The following RBM28 variants were observed in gnomAD, a reference collection of about 807,000 sequenced individuals.
The protein encoded by RBM28 is RNA binding motif protein 28.
RBM28 carries 78 observed loss-of-function variants against 98.3 expected under a neutral mutation model. The observed-to-expected ratio is 0.79, with a 90% CI of 0.66 to 0.96. The LOEUF (loss-of-function observed/expected upper bound fraction) is 0.96. Ranked by LOEUF, RBM28 falls within the 40% of genes least tolerant of loss-of-function variation. The pLI, the probability that RBM28 is intolerant of heterozygous loss-of-function variation, is 0.00. For synonymous variants in RBM28, 306 were observed against 330.9 expected (o/e 0.92, Z 0.82); for missense variants, 838 against 913.0 (o/e 0.92, Z 1.06).
intron 10 of RBM28, among the ~76,000 whole-genome samples, chr7:128,329,202 C>G (rs1460151673): frequency 6.6e-6 from 1 of 152,162 alleles, no homozygotes; most frequent in Non-Finnish European, 1.5e-5. Flanking sequence ...CAGGTTCAAG[C>G]AATTCTCCTG....
Position 128,305,549 on chromosome 7 carries a change from C to T in RBM28, c.*5248G>A, listed in dbSNP as rs1795849874. 2 of 152,208 alleles carry T rather than the reference C, an allele frequency of 1.3e-5. No homozygotes were observed. The highest frequency in any genetic ancestry group is 1.3e-4 in the Admixed American group (2 of 15,270). The allele number at this position is 152,208 out of a possible 1,614,324, so 9.4% of individuals were successfully genotyped here. On this transcript the variant is annotated 3_prime_UTR_variant, in exon 19 of 19. Transcript: ENST00000223073. Reference sequence around the variant, plus strand: ...TGTTGCCCAGGCTAGTCCTGAACTCCTGGGCTCAAGTGATTCTCCCACTTT... The same window carrying T: ...TGTTGCCCAGGCTAGTCCTGAACTCTTGGGCTCAAGTGATTCTCCCACTTT...
intron 18 of RBM28, 38 bp downstream of exon 18, chr7:128,313,137 C>T: frequency 6.3e-7 from 1 of 1,579,194 alleles, no homozygotes; most frequent in Non-Finnish European, 8.7e-7. Context: ...CCTGGCAGAA[C>T]CATGCCATAC....
intron 16 of RBM28, among the ~76,000 whole-genome samples, chr7:128,317,156 C>T (rs112231535): frequency 2.0e-5 from 3 of 152,226 alleles, no homozygotes; most frequent in African/African-American, 4.8e-5. Context: ...AAGTTCAGAG[C>T]GGTAATAACT....
At chr7:128,331,575 G>A (rs1796481719) in intron 9 of RBM28, among the ~76,000 whole-genome samples, 1 of 152,072 alleles carries the variant, frequency 6.6e-6, no homozygotes, top group Non-Finnish European at 1.5e-5. Flanking sequence ...TTTTTCCTCT[G>A]TGTTGCTATT....
Position 128,307,376 on chromosome 7 carries a change from C to CA in RBM28, c.*3420dup, listed in dbSNP as rs1396701779. ...TGACACATGTGATCCTCTGTCTCCTCAGACAACTGAAGGATGATGAGAAGG... is the reference window on the plus strand; with the variant it reads ...TGACACATGTGATCCTCTGTCTCCTCAAGACAACTGAAGGATGATGAGAAGG... On this transcript the variant is annotated 3_prime_UTR_variant, in exon 19 of 19. Transcript: ENST00000223073. 6.6e-6 allele frequency: 1 copy of CA among 152,344 alleles called. No individual in the cohort carries two copies. The highest frequency in any genetic ancestry group is 1.5e-5 in the Non-Finnish European group (1 of 68,040). The allele number at this position is 152,344 out of a possible 1,614,324, so 9.4% of individuals were successfully genotyped here.
At chr7:128,314,700 C>G in intron 17 of RBM28, 64 bp downstream of exon 17, 1 of 1,610,052 alleles carries the variant, frequency 6.2e-7, no homozygotes, top group Non-Finnish European at 8.5e-7. Context: ...GAAAATAACT[C>G]AGCAAAAACA....
intron 9 of RBM28, 42 bp from the exon 10 acceptor site, chr7:128,330,970 A>G (rs373108907): frequency 1.2e-5 from 15 of 1,275,922 alleles, no homozygotes; most frequent in Admixed American, 6.7e-5. Context: ...AGTCAATTAC[A>G]TAAGTGAGAT....
rs1795813329 is a variant in RBM28 at position 128,303,835 on chromosome 7, T to C, written c.*6962A>G. 6.6e-6 allele frequency: 1 copy of C among 152,168 alleles called. No homozygotes were observed. The allele number at this position is 152,168 out of a possible 1,614,324, so 9.4% of individuals were successfully genotyped here. On this transcript the variant is annotated 3_prime_UTR_variant, in exon 19 of 19. Coordinates refer to ENST00000223073, the MANE Select transcript of RBM28 (RefSeq NM_018077.3). ...CCCAGGCGGGGTCAACTTCCTCTAT[T>C]AACACCCATGCACGTATCAGAAGCT...
Position 128,313,177 on chromosome 7 carries a change from G to C in RBM28, c.2143C>G (p.Gln715Glu). 3.7e-6 allele frequency: 6 copies of C among 1,613,292 alleles called. No homozygotes were observed. Among genetic ancestry groups the C allele is most frequent in the Non-Finnish European group, 4.2e-6 (5 of 1,179,250 alleles). The change falls in exon 18 of 19, where the codon CAG becomes GAG. Residue 715 changes from glutamine (Q) to glutamate (E), a missense_variant and splice_region_variant. Gln to Glu is a conservative substitution (Grantham distance 29, BLOSUM62 2). Transcript: ENST00000223073. Reference protein sequence around the residue: ...KQEKQQLSSEQVSRKKAKGNK... With the variant: ...KQEKQQLSSEEVSRKKAKGNK... The stretch of plus-strand genomic sequence containing the variant: ...GCTGTATGTCCTGCAGAACTCACCT[G>C]CTCGGACGATAATTGCTGCTTCTCC...
At position 128,310,916 on chromosome 7, in the gene RBM28, CT is replaced by C. The variant is rs1205970712; in HGVS notation, c.2160del (p.Ala721LeufsTer69). ...QLSSEQVSRK[K>X]AKGNKTETRF... ...CGGGTTTCCGTCTTATTTCCCTTAG[CT>C]TTTTTCCTAGATACCTACAAATGAA... On this transcript the variant is annotated frameshift_variant, in exon 19 of 19. Transcript: ENST00000223073. LOFTEE classifies it high-confidence loss of function. 3.1e-6 allele frequency: 5 copies of C among 1,613,292 alleles called. No homozygotes were observed. Among genetic ancestry groups the C allele is most frequent in the Middle Eastern group, 3.3e-4 (2 of 6,062 alleles).
chr7:128,341,353 C>T (rs1482307946), intron 1 of RBM28: 4 of 322,198 alleles, frequency 1.2e-5, no homozygotes, highest in Non-Finnish European at 2.4e-5. Context: ...AAAAGTAAAG[C>T]AGCTGAAATG....
intron 14 of RBM28, among the ~76,000 whole-genome samples, chr7:128,320,676 C>A (rs1796211784): frequency 6.6e-6 from 1 of 152,226 alleles, no homozygotes; most frequent in South Asian, 2.1e-4. Context: ...AGAAAATTCA[C>A]ATGATAGCAC....
chr7:128,329,811 C>G (rs1443578149), intron 10 of RBM28, among the ~76,000 whole-genome samples: 1 of 148,950 alleles, frequency 6.7e-6, no homozygotes, highest in African/African-American at 2.5e-5. Context: ...ATGGCGTGAA[C>G]CCAGGAGGCG....
At chr7:128,326,190 G>C (rs1014998389) in intron 10 of RBM28, among the ~76,000 whole-genome samples, 1 of 147,546 alleles carries the variant, frequency 6.8e-6, no homozygotes, top group Non-Finnish European at 1.5e-5. Context: ...TGTAGTCCCA[G>C]TTACTTGGGA....
intron 16 of RBM28, among the ~76,000 whole-genome samples, chr7:128,315,344 C>G (rs777223934): frequency 2.0e-5 from 3 of 152,126 alleles, no homozygotes; most frequent in Non-Finnish European, 4.4e-5. Flanking sequence ...AAGAAGAAAG[C>G]AAGCAACAGA....
At chr7:128,322,866 C>T (rs1036719603) in intron 13 of RBM28, among the ~76,000 whole-genome samples, 1 of 152,160 alleles carries the variant, frequency 6.6e-6, no homozygotes, top group Non-Finnish European at 1.5e-5. Flanking sequence ...ATTACACTCT[C>T]ACCCCTGTTC....
intron 12 of RBM28, 119 bp downstream of exon 12, chr7:128,324,440 G>T: frequency 7.1e-7 from 1 of 1,408,122 alleles, no homozygotes. Flanking sequence ...ATATAACACT[G>T]TTAAAGAGAA....
intron 8 of RBM28, among the ~76,000 whole-genome samples, chr7:128,334,288 T>G (rs753139335): frequency 8.5e-5 from 13 of 152,228 alleles, no homozygotes; most frequent in Non-Finnish European, 1.6e-4. Context: ...ACTTCTACTT[T>G]GTGTATTACA....
chr7:128,339,898 T>C (rs1011757956), intron 1 of RBM28, 107 bp from the exon 2 acceptor site: 1 of 1,302,736 alleles, frequency 7.7e-7, no homozygotes, highest in African/African-American at 1.5e-5. Context: ...AGCTAGAGGA[T>C]ATACTGCCAA....
Sources: allele counts gnomAD v4.1 joint callset (sites outside exome capture counted in the v4.1 genomes callset), GRCh38; gene constraint gnomAD v4.1.1; transcripts MANE v1.5; gene names NCBI Gene and HGNC (gene_info 2026-07-23, HGNC 2026-07-21).